AHR: variants seen among roughly 807,000 people sequenced by gnomAD.
The protein encoded by AHR is AH-receptor.
A neutral mutation model predicts 86.8 loss-of-function variants in AHR; 40 were observed. The observed-to-expected ratio is 0.46, with a 90% CI of 0.36 to 0.60. AHR has a LOEUF of 0.60. Ranked by LOEUF, AHR falls within the 20% of genes least tolerant of loss-of-function variation. AHR has a pLI of 0.00. For synonymous variants in AHR, 398 were observed against 354.9 expected (o/e 1.12, Z -1.37); for missense variants, 1,001 against 1,011.6 (o/e 0.99, Z 0.14).
chr7:17,312,241 C>T (rs148397902), intron 2 of AHR, among the ~76,000 whole-genome samples: 1 of 152,172 alleles, frequency 6.6e-6, no homozygotes, highest in African/African-American at 2.4e-5. Flanking sequence ...CTTAGAGATT[C>T]TGGAGTCTAG....
At chr7:17,299,564 A>G (rs541309418) in intron 1 of AHR, among the ~76,000 whole-genome samples, 88 of 152,360 alleles carry the variant, frequency 5.8e-4, no homozygotes, top group Non-Finnish European at 1.0e-3. Flanking sequence ...CCCCCGCACC[A>G]GTGCATACAC....
intron 2 of AHR, among the ~76,000 whole-genome samples, chr7:17,312,771 TAACG>T (rs1782079094): frequency 6.6e-6 from 1 of 152,218 alleles, no homozygotes; most frequent in African/African-American, 2.4e-5. Flanking sequence ...TCATTATCTT[TAACG>T]TTAGATTCTT....
intron 2 of AHR, among the ~76,000 whole-genome samples, chr7:17,314,490 G>C (rs1326231812): frequency 6.6e-6 from 1 of 152,000 alleles, no homozygotes; most frequent in African/African-American, 2.4e-5. Flanking sequence ...CAAGTGCTCT[G>C]TTCTTGGTCT....
chr7:17,318,078 T>A (rs1280702929), intron 2 of AHR, among the ~76,000 whole-genome samples: 1 of 152,160 alleles, frequency 6.6e-6, no homozygotes, highest in East Asian at 1.9e-4. Context: ...GTAAATATTA[T>A]GAAATTAATT....
At chr7:17,321,660 C>T (rs751606610) in intron 2 of AHR, among the ~76,000 whole-genome samples, 12 of 151,082 alleles carry the variant, frequency 7.9e-5, no homozygotes, top group Non-Finnish European at 1.8e-4. Flanking sequence ...AACATGACAC[C>T]TCCAATAGTA....
rs1554268010 is a variant in AHR at position 17,345,538 on chromosome 7, C to CG, written c.*2474_*2475insG. The stretch of plus-strand genomic sequence containing the variant: ...TAGACCAGAGGTCTAGATTAATACT[C>CG]TATTTTTACATTTAAACCTTTTATT... On this transcript the variant is annotated 3_prime_UTR_variant, in exon 11 of 11. Coordinates refer to ENST00000242057, the MANE Select transcript of AHR (RefSeq NM_001621.5). 115 of 152,702 alleles carry CG rather than the reference C, an allele frequency of 7.5e-4. No individual in the cohort carries two copies. The highest frequency in any genetic ancestry group is 2.7e-3 in the African/African-American group (111 of 41,544). The allele number at this position is 152,702 out of a possible 1,614,324, so 9.5% of individuals were successfully genotyped here.
In AHR at chr7:17,343,796, A is replaced by G. The variant is rs1272122892; in HGVS notation, c.*732A>G. ...CCTACTTTCTTCAGGTAAAGGGCAA[A>G]TAATGATCGAAAAAATAATTATTTA... On this transcript the variant is annotated 3_prime_UTR_variant, in exon 11 of 11. Transcript: ENST00000242057. 6.6e-6 allele frequency: 1 copy of G among 152,662 alleles called. No individual in the cohort carries two copies. Among genetic ancestry groups the G allele is most frequent in the Non-Finnish European group, 1.5e-5 (1 of 67,996 alleles). 9.5% of individuals were successfully genotyped at this position (152,662 alleles called of 1,614,324 possible).
rs1782348922 is a variant in AHR at position 17,335,800 on chromosome 7, A to T, written c.1160+14A>T. ...GAGACCACTAACGTAAGCACAAATA[A>T]TGTTTCCTGTTTTAACAGTTTTGTT... is the stretch of plus-strand genomic sequence containing the variant. On this transcript the variant is annotated intron_variant, in intron 9 of 10. Transcript: ENST00000242057. 4 of 1,605,948 alleles carry T rather than the reference A, an allele frequency of 2.5e-6. No homozygotes were observed. The Admixed American group carries it at 6.9e-5, about 28-fold the overall frequency.
Position 17,336,863 on chromosome 7 carries a change from T to C in AHR, c.1160+1077T>C, listed in dbSNP as rs1366301959. Among the ~76,000 whole-genome samples, 6 of 152,242 alleles carry C rather than the reference T, an allele frequency of 3.9e-5. No individual in the cohort carries two copies. In the South Asian group the frequency reaches 8.3e-4, roughly 21 times the overall value. ...TAGGATCCAACTTTTGGTTTATTGA[T>C]TTTTTTCTATTTTATACATTTGTTT... On this transcript the variant is annotated intron_variant, in intron 9 of 10. Coordinates refer to ENST00000242057, the MANE Select transcript of AHR (RefSeq NM_001621.5).
rs1411797976 is a variant in AHR, at chr7:17,340,203, C to A, written c.2378C>A (p.Pro793Gln). ...VGQMQYNPVL[P>Q]GQQAFLNKFQ... ...CAGATGCAGTACAATCCAGTACTGC[C>A]AGGCCAACAGGCATTTTTAAACAAG... is the stretch of plus-strand genomic sequence containing the variant. The change falls in exon 10 of 11, where the codon CCA becomes CAA. Residue 793 changes from proline (P) to glutamine (Q), a missense_variant. Physicochemically the swap from Pro to Gln is moderately conservative, Grantham distance 76. Around this residue, in one of 2 missense-constraint regions of AHR, gnomAD observed 607 missense variants for 543.1 expected, o/e 1.12. Coordinates refer to ENST00000242057, the MANE Select transcript of AHR (RefSeq NM_001621.5). 6.2e-7 allele frequency: 1 copy of A among 1,608,190 alleles called. No homozygotes were observed. Among genetic ancestry groups the A allele is most frequent in the South Asian group, 1.1e-5 (1 of 90,294 alleles).
Position 17,326,187 on chromosome 7 carries a change from G to A in AHR, c.361-1572G>A, listed in dbSNP as rs185137083. ...GGCACTTACCTCATTGGGTTTTTGG[G>A]AGAAGAAACCACTCAAATACATAAA... On this transcript the variant is annotated intron_variant, in intron 3 of 10. Transcript: ENST00000242057. 7.0e-3 allele frequency among the ~76,000 whole-genome samples: 1,065 copies of A among 152,182 alleles called. 12 individuals carry two copies. Among genetic ancestry groups the A allele is most frequent in the Non-Finnish European group, 0.01 (691 of 68,008 alleles).
At chr7:17,302,303 T>C (rs1188927155) in intron 1 of AHR, among the ~76,000 whole-genome samples, 1 of 152,044 alleles carries the variant, frequency 6.6e-6, no homozygotes, top group East Asian at 1.9e-4. Context: ...TTAGCTGATC[T>C]TTCTTTAAAA....
intron 2 of AHR, among the ~76,000 whole-genome samples, chr7:17,316,876 T>C (rs970636985): frequency 1.1e-4 from 16 of 152,176 alleles, no homozygotes; most frequent in African/African-American, 3.9e-4. Context: ...CTGTGGATGC[T>C]AGTTCAGTTA....
rs566844305 is a variant in AHR at position 17,324,258 on chromosome 7, G to A, written c.360+1651G>A. Among the ~76,000 whole-genome samples the A allele has an allele frequency of 1.2e-3, 180 of 152,204 alleles. 7 individuals carry two copies. The highest frequency in any genetic ancestry group is 9.4e-4 in the Non-Finnish European group (64 of 68,006). ...ACTCACATTCTCTATGATTTTCTTAGGATTGTGCTTATATGTTATCTTTTT... is the reference window on the plus strand; with the variant it reads ...ACTCACATTCTCTATGATTTTCTTAAGATTGTGCTTATATGTTATCTTTTT... On this transcript the variant is annotated intron_variant, in intron 3 of 10. Transcript: ENST00000242057.
chr7:17,315,237 T>G (rs1261797016), intron 2 of AHR, among the ~76,000 whole-genome samples: 1 of 152,044 alleles, frequency 6.6e-6, no homozygotes, highest in Non-Finnish European at 1.5e-5. Context: ...TTCAGGAATT[T>G]AATCTCTCTT....
intron 1 of AHR, among the ~76,000 whole-genome samples, chr7:17,304,185 A>G (rs1781982691): frequency 6.6e-6 from 1 of 152,182 alleles, no homozygotes; most frequent in Admixed American, 6.6e-5. Flanking sequence ...CATCTTAAGT[A>G]TAGCATGTGA....
intron 1 of AHR, among the ~76,000 whole-genome samples, chr7:17,304,722 G>T (rs978930381): frequency 2.6e-5 from 4 of 152,086 alleles, no homozygotes; most frequent in East Asian, 1.9e-4. Flanking sequence ...GTAGGAAAAA[G>T]AATGTCTTTA....
In AHR at chr7:17,346,011, A is replaced by G. The variant is rs1009217488; in HGVS notation, c.*2947A>G. The G allele has an allele frequency of 1.3e-5, 2 of 152,724 alleles. No homozygotes were observed. Among genetic ancestry groups the G allele is most frequent in the African/African-American group, 4.8e-5 (2 of 41,452 alleles). 9.5% of individuals were successfully genotyped at this position (152,724 alleles called of 1,614,324 possible). On this transcript the variant is annotated 3_prime_UTR_variant, in exon 11 of 11. Coordinates refer to ENST00000242057, the MANE Select transcript of AHR (RefSeq NM_001621.5). ...TTTCGATGTTACTAAATTTTAGGTA[A>G]ATGCTTTCATGGCTTTTTTCTTCAA...
chr7:17,301,428 A>G (rs1781954066), intron 1 of AHR, among the ~76,000 whole-genome samples: 2 of 152,036 alleles, frequency 1.3e-5, no homozygotes, highest in Non-Finnish European at 2.9e-5. Flanking sequence ...GGGAAAATAG[A>G]TCTTGTTTTG....
Sources: allele counts gnomAD v4.1 joint callset (sites outside exome capture counted in the v4.1 genomes callset), GRCh38; gene constraint gnomAD v4.1.1; regional missense constraint gnomAD v4.1.1; transcripts MANE v1.5; gene names NCBI Gene and HGNC (gene_info 2026-07-23, HGNC 2026-07-21).